The following SLC2A14 variants were observed in gnomAD, a reference collection of about 807,000 sequenced individuals.
SLC2A14 encodes solute carrier family 2 member 14, also known as solute carrier family 2, facilitated glucose transporter member 14.
A neutral mutation model predicts 43.0 loss-of-function variants in SLC2A14; 13 were observed. That is an observed-to-expected ratio of 0.30 (90% CI 0.20 to 0.48). The LOEUF (loss-of-function observed/expected upper bound fraction) is 0.48, where lower values mean the gene tolerates loss of function less well. SLC2A14 is among the 20% of genes least tolerant of loss of function. The pLI, the probability that SLC2A14 is intolerant of heterozygous loss-of-function variation, is 0.99. For missense variants in SLC2A14, 428 were observed against 620.4 expected (o/e 0.69, Z 3.29); for synonymous variants, 190 against 233.8 (o/e 0.81, Z 1.71).
chr12:7,867,306 A>AAAC (rs1565573937), intron 2 of SLC2A14, among the ~76,000 whole-genome samples: 41 of 129,934 alleles, frequency 3.2e-4, no homozygotes, highest in Admixed American at 5.6e-4. Flanking sequence ...AAAAACAAAA[A>AAAC]AAACATTCGT....
At chr12:7,848,384 T>TA (rs2120911039) in intron 2 of SLC2A14, among the ~76,000 whole-genome samples, 1 of 151,638 alleles carries the variant, frequency 6.6e-6, no homozygotes, top group East Asian at 1.9e-4. Context: ...TTTTTTTTAT[T>TA]ATTATTTTTT....
chr12:7,887,811 C>T (rs1221279323), intron 1 of SLC2A14, among the ~76,000 whole-genome samples: 1 of 152,100 alleles, frequency 6.6e-6, no homozygotes, highest in Admixed American at 6.6e-5. Context: ...CCATGCCTTC[C>T]TATAATCTAG....
At chr12:7,859,721 T>C (rs889844034) in intron 2 of SLC2A14, among the ~76,000 whole-genome samples, 1 of 152,102 alleles carries the variant, frequency 6.6e-6, no homozygotes, top group African/African-American at 2.4e-5. Context: ...ATTATTACAA[T>C]ATCCTGATGG....
intron 4 of SLC2A14, chr12:7,831,394 C>T (rs1295495870): frequency 3.2e-6 from 2 of 634,102 alleles, no homozygotes; most frequent in Non-Finnish European, 5.3e-6. Context: ...TCACACAGTT[C>T]ATCTCTTGCA....
intron 1 of SLC2A14, among the ~76,000 whole-genome samples, chr12:7,879,527 C>CA (rs1306542333): frequency 5.3e-5 from 8 of 151,762 alleles, no homozygotes; most frequent in Non-Finnish European, 7.4e-5. Flanking sequence ...ACTAAAAATA[C>CA]AAAAAAATTA....
At chr12:7,834,750 A>C (rs1214605802) in intron 2 of SLC2A14, among the ~76,000 whole-genome samples, 1 of 151,920 alleles carries the variant, frequency 6.6e-6, no homozygotes, top group African/African-American at 2.4e-5. Context: ...GCATATTGAG[A>C]CAAGTGTTCC....
At chr12:7,846,112 GAAAGA>G (rs1426910326) in intron 2 of SLC2A14, among the ~76,000 whole-genome samples, 2 of 151,644 alleles carry the variant, frequency 1.3e-5, no homozygotes, top group East Asian at 3.9e-4. Flanking sequence ...AAGAAAGAAA[GAAAGA>G]AAAAGAACTA....
At chr12:7,882,238 C>T (rs113685906) in intron 1 of SLC2A14, among the ~76,000 whole-genome samples, 2 of 149,188 alleles carry the variant, frequency 1.3e-5, no homozygotes, top group African/African-American at 5.1e-5. Flanking sequence ...GAGAAACGAA[C>T]GATTCCAGAC....
chr12:7,874,827 T>TACA (rs376138527), upstream of SLC2A14, among the ~76,000 whole-genome samples: 1 of 83,626 alleles, frequency 1.2e-5, no homozygotes, highest in African/African-American at 3.8e-5. Flanking sequence ...TATATATAAA[T>TACA]TATATATAAA....
chr12:7,867,887 ACTC>A (rs1192652162), intron 2 of SLC2A14, among the ~76,000 whole-genome samples: 1 of 150,790 alleles, frequency 6.6e-6, no homozygotes, highest in East Asian at 1.9e-4. Context: ...CATGGAATCT[ACTC>A]CTAGTAAACG....
chr12:7,848,468 G>A (rs1005307841), intron 2 of SLC2A14, among the ~76,000 whole-genome samples: 3 of 150,388 alleles, frequency 2.0e-5, no homozygotes, highest in Non-Finnish European at 4.4e-5. Flanking sequence ...TGCTCCTTAC[G>A]TCTATTCCAT....
chr12:7,829,766 C>A lies in SLC2A14; in HGVS notation c.513G>T (p.Gln171His), dbSNP rs1864841620. ...LGIVIGILVAQIFGLELILGS... is the reference protein window; with the variant it reads ...LGIVIGILVAHIFGLELILGS... ...TTAAGTATGAGAAGTTCTAGAGTACCTGGGCCACCAGAATTCCAATAACTA... is the reference window on the plus strand; with the variant it reads ...TTAAGTATGAGAAGTTCTAGAGTACATGGGCCACCAGAATTCCAATAACTA... Residue 171 changes from glutamine (Q) to histidine (H), a missense_variant and splice_region_variant, in exon 5 of 11, where the codon CAG becomes CAT. Around this residue, in one of 4 missense-constraint regions of SLC2A14, gnomAD observed 185 missense variants for 275.4 expected, o/e 0.67. Transcript: ENST00000431042. 6.2e-7 allele frequency: 1 copy of A among 1,614,000 alleles called. No individual in the cohort carries two copies. The highest frequency in any genetic ancestry group is 1.7e-5 in the Admixed American group (1 of 59,986).
intron 1 of SLC2A14, among the ~76,000 whole-genome samples, chr12:7,870,432 T>C (rs1342252227): frequency 1.3e-5 from 2 of 152,166 alleles, no homozygotes; most frequent in African/African-American, 2.4e-5. Context: ...GAAGTCGTGA[T>C]TCTGCTTAAC....
At chr12:7,818,694 T>A (rs1223346771) in intron 9 of SLC2A14, among the ~76,000 whole-genome samples, 1 of 151,382 alleles carries the variant, frequency 6.6e-6, no homozygotes. Flanking sequence ...AAAAATACTT[T>A]TTTTTTTTTT....
Position 7,827,022 on chromosome 12 carries a change from TCC to T in SLC2A14, c.864+471_864+472del, listed in dbSNP as rs1455170479. ...TCTCCTTTCTCTCTCTCTCTTTCTC[TCC>T]TTTCTCTCTCTTTCTCTCCTTTCTC... is the stretch of plus-strand genomic sequence containing the variant. On this transcript the variant is annotated intron_variant, in intron 7 of 10. Coordinates refer to ENST00000431042, the MANE Select transcript of SLC2A14 (RefSeq NM_001286234.2). Among the ~76,000 whole-genome samples, 3 of 130,836 alleles carry T rather than the reference TCC, an allele frequency of 2.3e-5. No homozygotes were observed. The South Asian group carries it at 8.0e-4, about 35-fold the overall frequency. The allele number at this position is 130,836 out of a possible 152,430, so 85.8% of individuals were successfully genotyped here.
chr12:7,818,531 G>A (rs1199880390), intron 9 of SLC2A14, among the ~76,000 whole-genome samples: 5 of 152,030 alleles, frequency 3.3e-5, no homozygotes, highest in African/African-American at 7.2e-5. Flanking sequence ...GTGTGGTGGC[G>A]CATGCCTGTA....
At chr12:7,842,948 G>A (rs966807537) in intron 2 of SLC2A14, among the ~76,000 whole-genome samples, 1 of 151,828 alleles carries the variant, frequency 6.6e-6, no homozygotes, top group African/African-American at 2.4e-5. Context: ...GGCTGGTCTC[G>A]AACTCCCGAC....
intron 2 of SLC2A14, among the ~76,000 whole-genome samples, chr12:7,834,392 C>A (rs2120806184): frequency 6.6e-6 from 1 of 152,006 alleles, no homozygotes; most frequent in East Asian, 1.9e-4. Context: ...TCTTGAGAAT[C>A]TAAAAAATGT....
At chr12:7,817,334 C>T (rs1308824896) in intron 10 of SLC2A14, among the ~76,000 whole-genome samples, 1 of 152,052 alleles carries the variant, frequency 6.6e-6, no homozygotes, top group Non-Finnish European at 1.5e-5. Context: ...AGAGTGGTCT[C>T]TACCTCCCGA....
Sources: allele counts gnomAD v4.1 joint callset (sites outside exome capture counted in the v4.1 genomes callset), GRCh38; gene constraint gnomAD v4.1.1; regional missense constraint gnomAD v4.1.1; transcripts MANE v1.5; gene names NCBI Gene and HGNC (gene_info 2026-07-23, HGNC 2026-07-21).